Variants in KIRREL3 observed in about 807,000 individuals in gnomAD.
KIRREL3 encodes kirre like nephrin family adhesion molecule 3.
Under a neutral mutation model 89.7 loss-of-function variants are expected in KIRREL3, and 36 were observed. The observed-to-expected ratio is 0.40, with a 90% CI of 0.31 to 0.53. The LOEUF (loss-of-function observed/expected upper bound fraction) is 0.53. KIRREL3 is among the 20% of genes least tolerant of loss of function. The pLI is 0.49. For missense variants in KIRREL3, 864 were observed against 1,056.6 expected, an observed-to-expected ratio of 0.82 and a Z score of 2.53; for synonymous variants, 445 against 441.4, an observed-to-expected ratio of 1.01 and a Z score of -0.10.
Position 126,566,665 on chromosome 11 carries a change from CT to C in KIRREL3, c.56-3754del, listed in dbSNP as rs1286678137. Among the ~76,000 whole-genome samples, 3 of 152,222 alleles carry C rather than the reference CT, an allele frequency of 2.0e-5. No individual in the cohort carries two copies. Among genetic ancestry groups the C allele is most frequent in the African/African-American group, 7.2e-5 (3 of 41,542 alleles). ...TCCTGGGAGAAATAAAAGGGGATGG[CT>C]TTTTAAATGGGATGGGTTTTCTTCC... is the stretch of plus-strand genomic sequence containing the variant. On this transcript the variant is annotated intron_variant, in intron 1 of 16. Transcript: ENST00000525144. This position sits in a 1 kb window ranked among gnomAD's most constrained non-coding sequence, Gnocchi z 4.9.
intron 1 of KIRREL3, among the ~76,000 whole-genome samples, chr11:126,572,744 C>A (rs1336083395): frequency 1.3e-5 from 2 of 152,118 alleles, no homozygotes; most frequent in African/African-American, 4.8e-5. Context: ...TGCCTGCCTA[C>A]TCAGGGTGTG....
chr11:126,818,615 AGTAGTAGTAGTGTGTGTGTGT>A (rs1330813121), intron 1 of KIRREL3, among the ~76,000 whole-genome samples: 77 of 128,120 alleles, frequency 6.0e-4, no homozygotes, highest in African/African-American at 1.8e-3. Flanking sequence ...TAGTAGTAGT[AGTAGTAGTAGTGTGTGTGTGT>A]GTGTGTGTGT....
rs535314822 is a variant in KIRREL3, at chr11:126,628,252, G to T, written c.56-65340C>A. Among the ~76,000 whole-genome samples the T allele has an allele frequency of 2.0e-5, 3 of 152,236 alleles. No homozygotes were observed. In the South Asian group the frequency reaches 6.2e-4, roughly 32 times the overall value. ...TGCTCACCACCCACCAATCCTGTCA[G>T]ACTCTTTCTCTCCAGCCTGGCCTCG... is the stretch of plus-strand genomic sequence containing the variant. On this transcript the variant is annotated intron_variant, in intron 1 of 16. Coordinates refer to ENST00000525144, the MANE Select transcript of KIRREL3 (RefSeq NM_032531.4). The surrounding 1 kb of genome is among the most constrained non-coding windows in gnomAD (Gnocchi z 5.2).
rs999529122 is a variant in KIRREL3, at chr11:126,696,118, A to C, written c.56-133206T>G. On this transcript the variant is annotated intron_variant, in intron 1 of 16. Transcript: ENST00000525144. This position sits in a 1 kb window ranked among gnomAD's most constrained non-coding sequence, Gnocchi z 4.4. ...AAAATACAAAAAAAATTAGCCTGACATGGTGACACGTGCCTGTAGTCCCAG... is the reference window on the plus strand; with the variant it reads ...AAAATACAAAAAAAATTAGCCTGACCTGGTGACACGTGCCTGTAGTCCCAG... Among the ~76,000 whole-genome samples, 1 of 151,912 alleles carries C rather than the reference A, an allele frequency of 6.6e-6. No individual in the cohort carries two copies. The highest frequency in any genetic ancestry group is 2.4e-5 in the African/African-American group (1 of 41,326).
In KIRREL3 at chr11:126,830,517, A is replaced by G. The variant is rs1033514996; in HGVS notation, c.55+169938T>C. Among the ~76,000 whole-genome samples the G allele has an allele frequency of 6.6e-6, 1 of 152,220 alleles. No individual in the cohort carries two copies. Among genetic ancestry groups the G allele is most frequent in the Non-Finnish European group, 1.5e-5 (1 of 68,052 alleles). On this transcript the variant is annotated intron_variant, in intron 1 of 16. Coordinates refer to ENST00000525144, the MANE Select transcript of KIRREL3 (RefSeq NM_032531.4). This position sits in a 1 kb window ranked among gnomAD's most constrained non-coding sequence, Gnocchi z 4.9. ...ATTGGACTGCAAGGAGCTCACATTT[A>G]CAATTAAATGAGGGACTTATCCTTT...
At chr11:126,657,762 AG>A (rs1945220201) in intron 1 of KIRREL3, among the ~76,000 whole-genome samples, 1 of 152,250 alleles carries the variant, frequency 6.6e-6, no homozygotes, top group Non-Finnish European at 1.5e-5. Context: ...GTGTCCATGT[AG>A]AAACCTGTGC....
intron 1 of KIRREL3, among the ~76,000 whole-genome samples, chr11:126,638,701 T>C (rs1944357920): frequency 2.0e-5 from 3 of 152,198 alleles, no homozygotes; most frequent in Admixed American, 2.0e-4. Context: ...GCAGTTGTAG[T>C]CTTAGATGAG....
chr11:126,470,293 C>T (rs150803414), intron 5 of KIRREL3, among the ~76,000 whole-genome samples: 1 of 152,350 alleles, frequency 6.6e-6, no homozygotes, highest in Admixed American at 6.5e-5. Flanking sequence ...TTTTCATTCT[C>T]CTCTGGACAA....
At chr11:126,434,065 G>C (rs576502248) in intron 13 of KIRREL3, among the ~76,000 whole-genome samples, 1 of 152,216 alleles carries the variant, frequency 6.6e-6, no homozygotes, top group Non-Finnish European at 1.5e-5. Context: ...CGAGTGCCCC[G>C]GGGTGCCATC....
intron 5 of KIRREL3, among the ~76,000 whole-genome samples, chr11:126,464,308 G>A (rs1255162349): frequency 4.5e-5 from 6 of 133,832 alleles, no homozygotes; most frequent in African/African-American, 1.4e-4. Context: ...AGGACTTGGT[G>A]ACCAGCCTGG....
chr11:126,831,312 C>T (rs1943597919), intron 1 of KIRREL3, among the ~76,000 whole-genome samples: 1 of 152,162 alleles, frequency 6.6e-6, no homozygotes, highest in Non-Finnish European at 1.5e-5. Context: ...AAATGTTGGA[C>T]TGAATCAGGG....
Position 126,870,502 on chromosome 11 carries a change from C to CT in KIRREL3, c.55+129952dup, listed in dbSNP as rs1213316758. 2.6e-5 allele frequency among the ~76,000 whole-genome samples: 4 copies of CT among 152,192 alleles called. No individual in the cohort carries two copies. Among genetic ancestry groups the CT allele is most frequent in the Non-Finnish European group, 5.9e-5 (4 of 68,036 alleles). ...ACCGAAGTCTCCTGAAAGGCAGGTC[C>CT]TTGCAAGAGGTAAAAGGCTCAGTAG... On this transcript the variant is annotated intron_variant, in intron 1 of 16. Coordinates refer to ENST00000525144, the MANE Select transcript of KIRREL3 (RefSeq NM_032531.4). The surrounding 1 kb of genome is among the most constrained non-coding windows in gnomAD (Gnocchi z 4.4).
chr11:126,765,729 C>A (rs759907847), intron 1 of KIRREL3, among the ~76,000 whole-genome samples: 5 of 152,222 alleles, frequency 3.3e-5, no homozygotes, highest in Non-Finnish European at 7.3e-5. Flanking sequence ...AAGCTGACCT[C>A]AGCCAGGAGA....
intron 1 of KIRREL3, among the ~76,000 whole-genome samples, chr11:126,854,299 T>C (rs1944439972): frequency 2.0e-5 from 3 of 152,178 alleles, no homozygotes; most frequent in Admixed American, 2.0e-4. Context: ...TTAAGTACAT[T>C]GTACATTCAT....
chr11:126,624,519 C>T lies in KIRREL3; in HGVS notation c.56-61607G>A, dbSNP rs1471361894. On this transcript the variant is annotated intron_variant, in intron 1 of 16. Coordinates refer to ENST00000525144, the MANE Select transcript of KIRREL3 (RefSeq NM_032531.4). The surrounding 1 kb of genome is among the most constrained non-coding windows in gnomAD (Gnocchi z 6.0). Reference sequence around the variant, plus strand: ...TGTATGTTTATAATGGTGTAAAAACCCTGGTTTCCCCTTCCCATTCCCGGT... The same window carrying T: ...TGTATGTTTATAATGGTGTAAAAACTCTGGTTTCCCCTTCCCATTCCCGGT... Among the ~76,000 whole-genome samples the T allele has an allele frequency of 1.3e-5, 2 of 152,076 alleles. No homozygotes were observed. Among genetic ancestry groups the T allele is most frequent in the African/African-American group, 2.4e-5 (1 of 41,378 alleles).
intron 1 of KIRREL3, among the ~76,000 whole-genome samples, chr11:126,751,761 T>C (rs1949345206): frequency 6.6e-6 from 1 of 152,018 alleles, no homozygotes. Context: ...AAGAGTCAAA[T>C]GAAAGAGGCT....
chr11:126,930,822 T>C (rs1031710556), intron 1 of KIRREL3, among the ~76,000 whole-genome samples: 1 of 152,164 alleles, frequency 6.6e-6, no homozygotes, highest in African/African-American at 2.4e-5. Context: ...ATTGTGTCCC[T>C]ACCCCTGCAC....
At chr11:126,593,841 G>A (rs1942265988) in intron 1 of KIRREL3, among the ~76,000 whole-genome samples, 1 of 152,090 alleles carries the variant, frequency 6.6e-6, no homozygotes, top group South Asian at 2.1e-4. Context: ...ACCCCTCCAG[G>A]AAGCTGCTCA....
intron 1 of KIRREL3, among the ~76,000 whole-genome samples, chr11:126,818,356 G>A (rs1366498344): frequency 6.6e-6 from 1 of 152,138 alleles, no homozygotes. Context: ...GAATAGAAGA[G>A]GCTCAATAGG....
Sources: gnomAD v4.1 joint callset for allele counts (sites outside exome capture counted in the v4.1 genomes callset) on GRCh38, gnomAD v4.1.1 for gene constraint, Gnocchi (gnomAD v3.1) non-coding constraint, MANE v1.5 for transcripts, NCBI Gene and HGNC (gene_info 2026-07-23, HGNC 2026-07-21) for gene names.